The following RALGAPA2 variants were observed in gnomAD, a reference collection of about 807,000 sequenced individuals.
The protein encoded by RALGAPA2 is Ral GTPase activating protein catalytic subunit alpha 2, also known as ral GTPase-activating protein subunit alpha-2.
A neutral mutation model predicts 230.4 loss-of-function variants in RALGAPA2; 139 were observed. That is an observed-to-expected ratio of 0.60 (90% CI 0.53 to 0.69). The LOEUF (loss-of-function observed/expected upper bound fraction) is 0.69, where lower values mean the gene tolerates loss of function less well. Among genes scored for constraint, RALGAPA2 ranks in the 30% least tolerant of loss-of-function variants. RALGAPA2 has a pLI of 0.00. For synonymous variants in RALGAPA2, 847 were observed against 837.8 expected, an observed-to-expected ratio of 1.01 and a Z score of -0.19; for missense variants, 2,163 against 2,276.0, an observed-to-expected ratio of 0.95 and a Z score of 1.01.
chr20:20,614,548 T>C (rs1435890409), intron 13 of RALGAPA2, among the ~76,000 whole-genome samples: 1 of 152,216 alleles, frequency 6.6e-6, no homozygotes, highest in Admixed American at 6.5e-5. Context: ...CACTGTAATA[T>C]TTCCAGTTTT....
At chr20:20,648,061 C>A (rs1364650098) in intron 4 of RALGAPA2, among the ~76,000 whole-genome samples, 1 of 152,052 alleles carries the variant, frequency 6.6e-6, no homozygotes, top group African/African-American at 2.4e-5. Flanking sequence ...CTTATAATAG[C>A]CCCAGATGCT....
chr20:20,679,053 T>G (rs946846141), intron 2 of RALGAPA2, among the ~76,000 whole-genome samples: 10 of 152,046 alleles, frequency 6.6e-5, no homozygotes, highest in Non-Finnish European at 1.3e-4. Context: ...TGACCATCAC[T>G]CTCTTTCTCT....
chr20:20,619,193 G>A, intron 12 of RALGAPA2, 84 bp downstream of exon 12: 9 of 1,282,898 alleles, frequency 7.0e-6, no homozygotes, highest in Non-Finnish European at 9.2e-6. Flanking sequence ...TACTTTATAT[G>A]ACATTATCCC....
At chr20:20,653,429 C>A (rs2067479166) in intron 4 of RALGAPA2, 101 bp downstream of exon 4, 2 of 716,044 alleles carry the variant, frequency 2.8e-6, no homozygotes, top group Non-Finnish European at 4.8e-6. Flanking sequence ...TATTAATATT[C>A]CTTTCTATAA....
chr20:20,662,607 G>T (rs533547108), intron 3 of RALGAPA2, among the ~76,000 whole-genome samples: 1 of 152,134 alleles, frequency 6.6e-6, no homozygotes, highest in Non-Finnish European at 1.5e-5. Context: ...AGTTGAACTG[G>T]TAGTACTGCA....
chr20:20,653,175 G>A (rs367658546), intron 4 of RALGAPA2, among the ~76,000 whole-genome samples: 68 of 115,246 alleles, frequency 5.9e-4, no homozygotes, highest in Middle Eastern at 9.8e-3. Flanking sequence ...CAGCCTAGGC[G>A]ACAGAGCAAG....
intron 37 of RALGAPA2, among the ~76,000 whole-genome samples, chr20:20,431,717 G>GT (rs1410398869): frequency 3.9e-5 from 6 of 152,164 alleles, no homozygotes; most frequent in African/African-American, 1.4e-4. Flanking sequence ...ACAAATAAAT[G>GT]TAAGTATGTG....
intron 20 of RALGAPA2, among the ~76,000 whole-genome samples, chr20:20,576,697 C>T (rs536423726): frequency 2.6e-5 from 4 of 152,062 alleles, no homozygotes; most frequent in African/African-American, 7.2e-5. Context: ...TCTCTTTCTA[C>T]GGAATGGGAT....
At position 20,399,689 on chromosome 20, in the gene RALGAPA2, ATGTGT is replaced by A. The variant is rs201589703; in HGVS notation, c.5618-2960_5618-2956del. On this transcript the variant is annotated intron_variant, in intron 38 of 39. Transcript: ENST00000202677. The stretch of plus-strand genomic sequence containing the variant: ...ACAGGAAACAAGAGGCTGGCTGGAG[ATGTGT>A]TGTGTTATGTGCGGCTCCGCCTAGC... Among the ~76,000 whole-genome samples, 792 of 152,276 alleles carry A rather than the reference ATGTGT, an allele frequency of 5.2e-3. 5 individuals carry two copies. The highest frequency in any genetic ancestry group is 0.034 in the Middle Eastern group (10 of 294).
At chr20:20,693,479 A>C (rs2068989185) in intron 1 of RALGAPA2, among the ~76,000 whole-genome samples, 1 of 152,162 alleles carries the variant, frequency 6.6e-6, no homozygotes, top group African/African-American at 2.4e-5. Context: ...GCTAGCCTAC[A>C]TTATAATCAA....
chr20:20,684,539 G>A (rs944990661), intron 1 of RALGAPA2, among the ~76,000 whole-genome samples: 1 of 152,100 alleles, frequency 6.6e-6, no homozygotes, highest in African/African-American at 2.4e-5. Context: ...AGGCATTGGT[G>A]GTGTTGAGCT....
intron 32 of RALGAPA2, among the ~76,000 whole-genome samples, chr20:20,512,236 C>CACAT (rs1210130707): frequency 6.9e-6 from 1 of 145,894 alleles, no homozygotes; most frequent in South Asian, 2.1e-4. Flanking sequence ...CACACACACA[C>CACAT]ACATACACAC....
At chr20:20,555,158 G>C (rs2064046236) in intron 23 of RALGAPA2, among the ~76,000 whole-genome samples, 1 of 152,170 alleles carries the variant, frequency 6.6e-6, no homozygotes, top group Non-Finnish European at 1.5e-5. Flanking sequence ...AGTTGTCCCA[G>C]CATCACCTGT....
At chr20:20,656,134 T>A (rs943130059) in intron 3 of RALGAPA2, among the ~76,000 whole-genome samples, 2 of 151,730 alleles carry the variant, frequency 1.3e-5, no homozygotes, top group African/African-American at 4.8e-5. Flanking sequence ...TTTGAGAGAG[T>A]TTAAAATACG....
At position 20,448,641 on chromosome 20, in the gene RALGAPA2, C is replaced by T. The variant is rs529611201; in HGVS notation, c.5495+24188G>A. 8.4e-4 allele frequency among the ~76,000 whole-genome samples: 127 copies of T among 152,062 alleles called. 5 individuals are homozygous for T. In the South Asian group the frequency reaches 0.026, roughly 31 times the overall value. On this transcript the variant is annotated intron_variant, in intron 37 of 39. Transcript: ENST00000202677. Reference sequence around the variant, plus strand: ...CTACAAAGTTTCCCAGGCAATTCTACGAAAAGATATTGGAAAACAGAAATA... The same window carrying T: ...CTACAAAGTTTCCCAGGCAATTCTATGAAAAGATATTGGAAAACAGAAATA...
chr20:20,464,175 C>T (rs141803266), intron 37 of RALGAPA2, among the ~76,000 whole-genome samples: 365 of 152,316 alleles, frequency 2.4e-3, no homozygotes, highest in Non-Finnish European at 4.0e-3. Flanking sequence ...GCAAATTAAT[C>T]TCTCTGGCTG....
At chr20:20,598,160 C>G (rs1188377325) in intron 16 of RALGAPA2, among the ~76,000 whole-genome samples, 1 of 152,166 alleles carries the variant, frequency 6.6e-6, no homozygotes, top group Non-Finnish European at 1.5e-5. Flanking sequence ...TTGGAAATTA[C>G]TGCTTTTTGG....
rs371135603 is a variant in RALGAPA2, at chr20:20,605,321, G to A, written c.1892C>T (p.Thr631Met). 40 of 1,613,588 alleles carry A rather than the reference G, an allele frequency of 2.5e-5. No homozygotes were observed. Among genetic ancestry groups the A allele is most frequent in the East Asian group, 4.5e-5 (2 of 44,858 alleles). Reference protein sequence around the residue: ...DDFLGVLSSLTEWEELINEWA... With the variant: ...DDFLGVLSSLMEWEELINEWA... ...CTCGTTTATAAGTTCCTCCCATTCCGTGAGGGAGGACAGCACACCAAGAAA... is the reference window on the plus strand; with the variant it reads ...CTCGTTTATAAGTTCCTCCCATTCCATGAGGGAGGACAGCACACCAAGAAA... The change falls in exon 15 of 40, where the codon ACG becomes ATG. Residue 631 changes from threonine to methionine, a missense_variant. Transcript: ENST00000202677.
intron 1 of RALGAPA2, among the ~76,000 whole-genome samples, chr20:20,701,566 A>G (rs538787146): frequency 1.3e-5 from 2 of 151,660 alleles, no homozygotes; most frequent in East Asian, 3.9e-4. Flanking sequence ...GTGAAACCCC[A>G]TCTCTACTAG....
Sources: allele counts gnomAD v4.1 joint callset (sites outside exome capture counted in the v4.1 genomes callset), GRCh38; gene constraint gnomAD v4.1.1; transcripts MANE v1.5; gene names NCBI Gene and HGNC (gene_info 2026-07-23, HGNC 2026-07-21).